NRG1: variants seen among roughly 807,000 people sequenced by gnomAD.
NRG1 encodes neuregulin 1.
NRG1 carries 18 observed loss-of-function variants against 63.8 expected under a neutral mutation model. That is an observed-to-expected ratio of 0.28 (90% CI 0.19 to 0.42). The LOEUF is 0.42. Among genes scored for constraint, NRG1 ranks in the 10% least tolerant of loss-of-function variants. NRG1 has a pLI of 1.00. For missense variants in NRG1, 762 were observed against 814.7 expected (o/e 0.94, Z 0.79); for synonymous variants, 302 against 301.3 (o/e 1.00, Z -0.02).
chr8:32,337,264 G>A (rs951180342), intron 1 of NRG1, among the ~76,000 whole-genome samples: 11 of 152,082 alleles, frequency 7.2e-5, no homozygotes, highest in Non-Finnish European at 1.5e-5. Flanking sequence ...TCCTGCCTCA[G>A]CTTCTCAAAG....
At chr8:31,754,776 C>T (rs1476593079) in intron 1 of NRG1, among the ~76,000 whole-genome samples, 2 of 151,982 alleles carry the variant, frequency 1.3e-5, no homozygotes, top group African/African-American at 4.8e-5. Context: ...TACAACTGCT[C>T]CTATCTATTC....
intron 1 of NRG1, among the ~76,000 whole-genome samples, chr8:32,588,219 A>T (rs1269400641): frequency 6.6e-6 from 1 of 152,102 alleles, no homozygotes; most frequent in African/African-American, 2.4e-5. Flanking sequence ...ACCAGCGCCC[A>T]GCCCTCTACA....
At chr8:32,312,667 CCA>C (rs1389717016) in intron 1 of NRG1, among the ~76,000 whole-genome samples, 2 of 151,912 alleles carry the variant, frequency 1.3e-5, no homozygotes, top group Non-Finnish European at 2.9e-5. Context: ...GGACTGCCTC[CCA>C]CCTGCTAAGG....
chr8:31,669,809 C>T (rs1193514996), intron 1 of NRG1, among the ~76,000 whole-genome samples: 3 of 152,074 alleles, frequency 2.0e-5, no homozygotes, highest in Non-Finnish European at 4.4e-5. Context: ...CTGGGAGGGC[C>T]TTTTTTCCCT....
At chr8:31,773,031 C>G (rs545930840) in intron 1 of NRG1, among the ~76,000 whole-genome samples, 18 of 152,314 alleles carry the variant, frequency 1.2e-4, no homozygotes, top group African/African-American at 4.1e-4. Flanking sequence ...GGTCCTGGCT[C>G]AGACTGAGCT....
intron 1 of NRG1, among the ~76,000 whole-genome samples, chr8:32,314,886 C>G (rs1207807486): frequency 2.0e-5 from 3 of 152,204 alleles, no homozygotes; most frequent in Admixed American, 2.0e-4. Context: ...CCTCTCTGTT[C>G]TCAGCCTCGG....
intron 1 of NRG1, among the ~76,000 whole-genome samples, chr8:32,045,408 G>A (rs1820843620): frequency 6.6e-6 from 1 of 151,882 alleles, no homozygotes; most frequent in African/African-American, 2.4e-5. Context: ...ATTCTACTGA[G>A]TTGATCTATA....
intron 1 of NRG1, among the ~76,000 whole-genome samples, chr8:32,439,037 T>C (rs1005509033): frequency 1.3e-5 from 2 of 152,146 alleles, no homozygotes; most frequent in Non-Finnish European, 2.9e-5. Context: ...TTAATTTTGA[T>C]AAAAATAACT....
intron 1 of NRG1, among the ~76,000 whole-genome samples, chr8:32,101,410 G>T (rs1181169119): frequency 6.6e-6 from 1 of 150,960 alleles, no homozygotes; most frequent in Non-Finnish European, 1.5e-5. Flanking sequence ...AAAAGGAAAA[G>T]CTTGTTCCTT....
chr8:31,729,556 A>G (rs925722919), intron 1 of NRG1, among the ~76,000 whole-genome samples: 2 of 152,160 alleles, frequency 1.3e-5, no homozygotes, highest in African/African-American at 2.4e-5. Context: ...GACAGGTTTG[A>G]AAAACTTGGT....
chr8:31,684,743 A>C (rs772242559), intron 1 of NRG1, among the ~76,000 whole-genome samples: 2 of 152,188 alleles, frequency 1.3e-5, no homozygotes, highest in African/African-American at 2.4e-5. Flanking sequence ...GGCATAAATA[A>C]GAGCATTTTA....
intron 1 of NRG1, among the ~76,000 whole-genome samples, chr8:31,986,007 AT>A (rs1159820368): frequency 6.6e-6 from 1 of 152,076 alleles, no homozygotes; most frequent in Non-Finnish European, 1.5e-5. Flanking sequence ...TTAGACATCC[AT>A]TTATAACTTA....
chr8:32,557,115 C>T (rs112421052), intron 1 of NRG1, among the ~76,000 whole-genome samples: 1,639 of 152,236 alleles, frequency 0.011, 38 homozygotes, highest in African/African-American at 0.038. Flanking sequence ...ATGCCATTCT[C>T]CTGCCTCAGC....
chr8:31,719,273 C>G (rs533744953), intron 1 of NRG1, among the ~76,000 whole-genome samples: 22 of 152,014 alleles, frequency 1.4e-4, no homozygotes, highest in Admixed American at 9.8e-4. Context: ...TTCCTATCAG[C>G]CAGAGAAATA....
intron 1 of NRG1, among the ~76,000 whole-genome samples, chr8:32,053,713 T>C (rs993303304): frequency 6.6e-6 from 1 of 152,188 alleles, no homozygotes; most frequent in Non-Finnish European, 1.5e-5. Context: ...TAACAGTTTC[T>C]AGAGTAGGTT....
intron 1 of NRG1, among the ~76,000 whole-genome samples, chr8:31,891,138 A>G (rs1831114338): frequency 6.6e-6 from 1 of 152,196 alleles, no homozygotes; most frequent in East Asian, 1.9e-4. Context: ...TTATAAATGG[A>G]AATGTTGATA....
chr8:32,130,367 A>T (rs1307541588), intron 1 of NRG1, among the ~76,000 whole-genome samples: 1 of 152,002 alleles, frequency 6.6e-6, no homozygotes, highest in South Asian at 2.1e-4. Context: ...GTATATTTTT[A>T]CCAACTAACA....
intron 1 of NRG1, among the ~76,000 whole-genome samples, chr8:32,427,695 G>T (rs1481942964): frequency 6.6e-6 from 1 of 152,152 alleles, no homozygotes; most frequent in African/African-American, 2.4e-5. Context: ...AAAAAAATGG[G>T]CTATTGTGTT....
chr8:31,931,280 C>T (rs1834838923), intron 1 of NRG1, among the ~76,000 whole-genome samples: 1 of 151,468 alleles, frequency 6.6e-6, no homozygotes, highest in South Asian at 2.1e-4. Context: ...TTGGTGGGAT[C>T]CCAAAATAAA....
Sources: gnomAD v4.1 joint callset for allele counts (sites outside exome capture counted in the v4.1 genomes callset) on GRCh38, gnomAD v4.1.1 for gene constraint, MANE v1.5 for transcripts, NCBI Gene and HGNC (gene_info 2026-07-23, HGNC 2026-07-21) for gene names.